CSMD3: variants seen among roughly 807,000 people sequenced by gnomAD.
CSMD3 encodes CUB and sushi domain-containing protein 3.
In CSMD3, 177 loss-of-function variants were observed where a neutral mutation model predicts 435.2. That is an observed-to-expected ratio of 0.41 (90% CI 0.36 to 0.46). CSMD3 has a LOEUF of 0.46. Among genes scored for constraint, CSMD3 ranks in the 20% least tolerant of loss-of-function variants. The probability of loss-of-function intolerance (pLI) is 0.34; values close to 1 mark genes in which losing one functional copy is unlikely to be tolerated. For missense variants in CSMD3, 4,265 were observed against 4,504.6 expected (o/e 0.95, Z 1.52); for synonymous variants, 1,656 against 1,520.5 (o/e 1.09, Z -2.07).
chr8:113,262,036 C>A (rs546166572), intron 3 of CSMD3, among the ~76,000 whole-genome samples: 1 of 152,074 alleles, frequency 6.6e-6, no homozygotes, highest in South Asian at 2.1e-4. Context: ...TCTTTTGACA[C>A]CCTGTTAGCA....
intron 13 of CSMD3, among the ~76,000 whole-genome samples, chr8:112,712,307 C>T (rs1190768322): frequency 6.6e-6 from 1 of 152,124 alleles, no homozygotes. Flanking sequence ...TAAAATTTTA[C>T]TTCAATTTGG....
intron 31 of CSMD3, among the ~76,000 whole-genome samples, chr8:112,480,301 G>A (rs1280411626): frequency 6.6e-6 from 1 of 152,330 alleles, no homozygotes; most frequent in African/African-American, 2.4e-5. Context: ...ATGGGTGGAA[G>A]TGCATGAGTC....
At chr8:112,510,540 C>T (rs543816638) in intron 28 of CSMD3, among the ~76,000 whole-genome samples, 1 of 152,302 alleles carries the variant, frequency 6.6e-6, no homozygotes, top group South Asian at 2.1e-4. Flanking sequence ...TTCCTGTAGA[C>T]CCCAGAATGG....
chr8:112,282,385 C>G (rs1409343797), intron 58 of CSMD3, among the ~76,000 whole-genome samples: 1 of 151,958 alleles, frequency 6.6e-6, no homozygotes, highest in African/African-American at 2.4e-5. Context: ...TGTTGTTAAG[C>G]ATGATTACTT....
chr8:112,366,771 C>T (rs1017516897), intron 38 of CSMD3, among the ~76,000 whole-genome samples: 2 of 152,078 alleles, frequency 1.3e-5, no homozygotes, highest in African/African-American at 4.8e-5. Context: ...AAACTCTTTA[C>T]AGGGCACTCA....
intron 3 of CSMD3, among the ~76,000 whole-genome samples, chr8:113,265,138 G>T (rs2093458965): frequency 6.6e-6 from 1 of 151,536 alleles, no homozygotes; most frequent in South Asian, 2.1e-4. Flanking sequence ...ATGCATGCTA[G>T]AATTGTTTAA....
intron 49 of CSMD3, among the ~76,000 whole-genome samples, chr8:112,313,592 T>C (rs1822187667): frequency 6.6e-6 from 1 of 152,158 alleles, no homozygotes. Context: ...ATAAATATCC[T>C]AAATGCTTTT....
At chr8:112,562,004 T>C (rs927390282) in intron 24 of CSMD3, among the ~76,000 whole-genome samples, 1 of 151,682 alleles carries the variant, frequency 6.6e-6, no homozygotes, top group African/African-American at 2.4e-5. Context: ...TTCCAATTTT[T>C]TACTGCTATG....
Position 113,320,571 on chromosome 8 carries a change from G to A in CSMD3, c.179-5778C>T, listed in dbSNP as rs542503931. ...CAACTGAGCTTCTGTGACCAATTAT[G>A]TTGACATGACTCTTGCAAAAATTAC... On this transcript the variant is annotated intron_variant, in intron 1 of 70. Coordinates refer to ENST00000297405, the MANE Select transcript of CSMD3 (RefSeq NM_198123.2). 7.2e-5 allele frequency among the ~76,000 whole-genome samples: 11 copies of A among 152,138 alleles called. No homozygotes were observed. In the East Asian group the frequency reaches 2.1e-3, roughly 29 times the overall value.
chr8:113,081,408 T>C (rs1430380113), intron 5 of CSMD3, among the ~76,000 whole-genome samples: 1 of 152,130 alleles, frequency 6.6e-6, no homozygotes, highest in African/African-American at 2.4e-5. Flanking sequence ...CACCCCTGTG[T>C]CTTTGTTGGG....
intron 5 of CSMD3, among the ~76,000 whole-genome samples, chr8:113,067,787 G>A (rs72683883): frequency 5.3e-5 from 8 of 152,170 alleles, no homozygotes; most frequent in Non-Finnish European, 8.8e-5. Flanking sequence ...AAGAGTGCTA[G>A]CAGTGGTTAA....
At chr8:113,374,849 C>CAAAAAAAAAAAAAA (rs1251115132) in intron 1 of CSMD3, among the ~76,000 whole-genome samples, 18 of 21,010 alleles carry the variant, frequency 8.6e-4, no homozygotes, top group African/African-American at 1.6e-3. Flanking sequence ...AAAAAAAAAC[C>CAAAAAAAAAAAAAA]AATAAAATGA....
chr8:112,776,021 A>T (rs1417781117), intron 13 of CSMD3, among the ~76,000 whole-genome samples: 1 of 151,844 alleles, frequency 6.6e-6, no homozygotes, highest in African/African-American at 2.4e-5. Flanking sequence ...GTGCCCAAAA[A>T]AATGTTAGGA....
chr8:112,596,105 T>C (rs1831688284), intron 22 of CSMD3, among the ~76,000 whole-genome samples: 1 of 151,660 alleles, frequency 6.6e-6, no homozygotes, highest in South Asian at 2.1e-4. Context: ...ATCAATGTGC[T>C]GTATTCAGGA....
chr8:112,475,581 C>T (rs1279036093), intron 31 of CSMD3, among the ~76,000 whole-genome samples: 1 of 151,718 alleles, frequency 6.6e-6, no homozygotes, highest in Admixed American at 6.6e-5. Context: ...AGATACACAT[C>T]TATTGTAATT....
intron 6 of CSMD3, among the ~76,000 whole-genome samples, chr8:113,002,691 G>T (rs774983529): frequency 2.6e-5 from 4 of 151,972 alleles, no homozygotes; most frequent in East Asian, 1.9e-4. Context: ...ATGTGACTAG[G>T]TTATAACTTT....
At chr8:112,818,189 C>T (rs2079432209) in intron 12 of CSMD3, among the ~76,000 whole-genome samples, 1 of 151,838 alleles carries the variant, frequency 6.6e-6, no homozygotes, top group African/African-American at 2.4e-5. Flanking sequence ...ATTTACAATA[C>T]TTAATTCAAT....
chr8:113,283,126 A>C (rs2093623887), intron 2 of CSMD3, among the ~76,000 whole-genome samples: 1 of 152,274 alleles, frequency 6.6e-6, no homozygotes, highest in Admixed American at 6.5e-5. Flanking sequence ...GAAACTATAA[A>C]AATTCTAGAA....
chr8:113,254,804 TA>T (rs1224985300), intron 3 of CSMD3, among the ~76,000 whole-genome samples: 1 of 152,194 alleles, frequency 6.6e-6, no homozygotes, highest in African/African-American at 2.4e-5. Flanking sequence ...AACTTTTAAT[TA>T]TTTTTTTAAT....
Sources: gnomAD v4.1 joint callset for allele counts (sites outside exome capture counted in the v4.1 genomes callset) on GRCh38, gnomAD v4.1.1 for gene constraint, MANE v1.5 for transcripts, NCBI Gene and HGNC (gene_info 2026-07-23, HGNC 2026-07-21) for gene names.